The following SLC44A5 variants were observed in gnomAD, a reference collection of about 807,000 sequenced individuals.
SLC44A5 encodes the protein choline transporter-like protein 5.
A neutral mutation model predicts 101.8 loss-of-function variants in SLC44A5; 57 were observed. The observed-to-expected ratio is 0.56, with a 90% CI of 0.45 to 0.70. SLC44A5 has a LOEUF of 0.70. SLC44A5 is among the 30% of genes least tolerant of loss of function. The pLI is 0.00. For missense variants in SLC44A5, 737 were observed against 853.1 expected, an observed-to-expected ratio of 0.86 and a Z score of 1.70; for synonymous variants, 281 against 290.9, an observed-to-expected ratio of 0.97 and a Z score of 0.35.
At chr1:75,274,061 T>G (rs571394814) in intron 6 of SLC44A5, among the ~76,000 whole-genome samples, 1 of 152,202 alleles carries the variant, frequency 6.6e-6, no homozygotes, top group East Asian at 1.9e-4. Context: ...AATCTGTATA[T>G]CTCTTGGAAT....
At chr1:75,723,686 T>G in the SLC44A5 span, 1 of 152,240 alleles carries the variant, frequency 6.6e-6, no homozygotes, top group Non-Finnish European at 1.5e-5. Context: ...CTTTGAAGGC[T>G]TTCTTGCCTA....
At chr1:75,539,238 T>C (rs943434334) in intron 2 of SLC44A5, among the ~76,000 whole-genome samples, 1 of 152,236 alleles carries the variant, frequency 6.6e-6, no homozygotes, top group Non-Finnish European at 1.5e-5. Context: ...AAAATTTCAT[T>C]TGTACCTTAC....
At chr1:75,524,655 G>C (rs1406752920) in intron 2 of SLC44A5, among the ~76,000 whole-genome samples, 2 of 152,126 alleles carry the variant, frequency 1.3e-5, no homozygotes, top group Non-Finnish European at 2.9e-5. Context: ...GGTTATAAGA[G>C]AATGCGAAAA....
chr1:75,227,093 CGCCAGCACGGTGGCTCAT>C (rs1377343416), intron 13 of SLC44A5, among the ~76,000 whole-genome samples: 12 of 151,986 alleles, frequency 7.9e-5, no homozygotes, highest in South Asian at 2.1e-4. Context: ...CGGTGGCTCA[CGCCAGCACGGTGGCTCAT>C]GCCAGCATGT....
At chr1:75,487,741 A>G (rs986640687) in intron 2 of SLC44A5, among the ~76,000 whole-genome samples, 1 of 152,202 alleles carries the variant, frequency 6.6e-6, no homozygotes, top group African/African-American at 2.4e-5. Context: ...GTATACTTAC[A>G]AAAACCTATA....
At chr1:75,232,442 A>T (rs1223730968) in intron 12 of SLC44A5, among the ~76,000 whole-genome samples, 1 of 152,040 alleles carries the variant, frequency 6.6e-6, no homozygotes, top group Non-Finnish European at 1.5e-5. Flanking sequence ...AGATGTTTAA[A>T]CAACTTTTTT....
chr1:75,476,091 G>A (rs913033729), intron 2 of SLC44A5, among the ~76,000 whole-genome samples: 10 of 152,106 alleles, frequency 6.6e-5, no homozygotes, highest in Non-Finnish European at 8.8e-5. Flanking sequence ...GCTGAGGCAT[G>A]AGAATCGCTT....
intron 5 of SLC44A5, among the ~76,000 whole-genome samples, chr1:75,284,869 A>G (rs906408848): frequency 2.6e-5 from 4 of 152,112 alleles, no homozygotes; most frequent in Admixed American, 1.3e-4. Context: ...CCATTTGATC[A>G]TAATGTATTA....
chr1:75,406,227 A>G (rs561569297), intron 2 of SLC44A5, among the ~76,000 whole-genome samples: 2 of 152,302 alleles, frequency 1.3e-5, no homozygotes, highest in East Asian at 1.9e-4. Flanking sequence ...TTAATAGCCT[A>G]CCAACCAAAA....
chr1:75,311,059 T>A (rs1655256735), intron 4 of SLC44A5, among the ~76,000 whole-genome samples: 1 of 151,942 alleles, frequency 6.6e-6, no homozygotes, highest in African/African-American at 2.4e-5. Flanking sequence ...AGACATAAAA[T>A]GTATCACAAA....
chr1:75,365,323 C>T (rs1386116652), intron 3 of SLC44A5, among the ~76,000 whole-genome samples: 1 of 152,154 alleles, frequency 6.6e-6, no homozygotes, highest in African/African-American at 2.4e-5. Context: ...CTTCCTCCAA[C>T]CCTCTGCCCT....
chr1:75,613,972 G>T (rs1217265442), upstream of SLC44A5, among the ~76,000 whole-genome samples: 1 of 152,026 alleles, frequency 6.6e-6, no homozygotes, highest in Non-Finnish European at 1.5e-5. Flanking sequence ...ATTTTCTCTG[G>T]CTACCATGTA....
chr1:75,507,797 G>T (rs1192659327), intron 2 of SLC44A5, among the ~76,000 whole-genome samples: 1 of 152,096 alleles, frequency 6.6e-6, no homozygotes, highest in South Asian at 2.1e-4. Flanking sequence ...GTGTTTCTAA[G>T]AATTTAACCA....
chr1:75,469,206 G>A (rs551438879), intron 2 of SLC44A5, among the ~76,000 whole-genome samples: 3 of 152,192 alleles, frequency 2.0e-5, no homozygotes, highest in African/African-American at 7.2e-5. Flanking sequence ...AGTCTTTGAA[G>A]GCTGGTCTGT....
intron 2 of SLC44A5, among the ~76,000 whole-genome samples, chr1:75,447,827 T>C (rs1202353414): frequency 6.6e-6 from 1 of 152,180 alleles, no homozygotes; most frequent in Non-Finnish European, 1.5e-5. Flanking sequence ...TATCTAGGTT[T>C]CAGTAAGTCA....
intron 2 of SLC44A5, among the ~76,000 whole-genome samples, chr1:75,427,605 G>A (rs547832648): frequency 6.6e-6 from 1 of 152,240 alleles, no homozygotes; most frequent in South Asian, 2.1e-4. Flanking sequence ...TAACAATACA[G>A]TTTAGTGGTT....
At chr1:75,207,723 G>T (rs1479903819) in intron 23 of SLC44A5, among the ~76,000 whole-genome samples, 2 of 152,010 alleles carry the variant, frequency 1.3e-5, no homozygotes, top group African/African-American at 4.8e-5. Context: ...ACCCAGTTTT[G>T]CTTTCTACAA....
the SLC44A5 span, chr1:75,641,997 C>A: frequency 3.3e-6 from 5 of 1,497,220 alleles, no homozygotes; most frequent in South Asian, 1.1e-5. Flanking sequence ...TCCTCATCAT[C>A]TTCATCTGCA....
intron 4 of SLC44A5, among the ~76,000 whole-genome samples, chr1:75,321,548 A>G (rs995104042): frequency 6.6e-6 from 1 of 152,072 alleles, no homozygotes; most frequent in Admixed American, 6.6e-5. Context: ...CTTGTGATTT[A>G]ATCACATCCC....
Sources: allele counts gnomAD v4.1 joint callset (sites outside exome capture counted in the v4.1 genomes callset), GRCh38; gene constraint gnomAD v4.1.1; transcripts MANE v1.5; gene names NCBI Gene and HGNC (gene_info 2026-07-23, HGNC 2026-07-21).